The following NAA30 variants were observed in gnomAD, a reference collection of about 807,000 sequenced individuals.
The protein encoded by NAA30 is N-alpha-acetyltransferase 30, NatC catalytic subunit, also known as N-alpha-acetyltransferase 30.
A neutral mutation model predicts 31.4 loss-of-function variants in NAA30; 5 were observed. The observed-to-expected ratio is 0.16, with a 90% CI of 0.08 to 0.33. The LOEUF (loss-of-function observed/expected upper bound fraction) is 0.33. Ranked by LOEUF, NAA30 falls within the 10% of genes least tolerant of loss-of-function variation. The pLI, the probability that NAA30 is intolerant of heterozygous loss-of-function variation, is 1.00. For missense variants in NAA30, 428 were observed against 490.8 expected (o/e 0.87, Z 1.21); for synonymous variants, 222 against 207.1 (o/e 1.07, Z -0.62).
rs1274227285 is a variant in NAA30 at position 57,391,178 on chromosome 14, G to C, written c.221G>C (p.Cys74Ser). ...VAAKGHPCLR[C>S]PQPPQEQQQL... is the part of the protein sequence containing the mutation. Reference sequence around the variant, plus strand: ...GCCAAGGGGCATCCGTGCCTCCGCTGCCCTCAGCCGCCGCAGGAGCAGCAG... The same window carrying C: ...GCCAAGGGGCATCCGTGCCTCCGCTCCCCTCAGCCGCCGCAGGAGCAGCAG... The change falls in exon 2 of 5, where the codon TGC becomes TCC. Residue 74 changes from cysteine to serine, a missense_variant. This residue lies in a region of NAA30 where 349 missense variants were observed against 310.4 expected (regional missense o/e 1.12). Coordinates refer to ENST00000556492, the MANE Select transcript of NAA30 (RefSeq NM_001011713.3). This position sits in a 1 kb window ranked among gnomAD's most constrained non-coding sequence, Gnocchi z 4.1. 1 of 1,609,812 alleles carries C rather than the reference G, an allele frequency of 6.2e-7. No individual in the cohort carries two copies. The highest frequency in any genetic ancestry group is 1.3e-5 in the African/African-American group (1 of 74,904).
At chr14:57,390,912 C>G in intron 1 of NAA30, 45 bp from the exon 2 acceptor site, 1 of 1,451,684 alleles carries the variant, frequency 6.9e-7, no homozygotes, top group East Asian at 2.6e-5. Context: ...CCGCGCTCCT[C>G]GGCCGGGTTT....
At position 57,410,171 on chromosome 14, in the gene NAA30, A is replaced by G. The variant is rs1293539075; in HGVS notation, c.*655A>G. The G allele has an allele frequency of 6.6e-6, 1 of 152,566 alleles. No individual in the cohort carries two copies. The highest frequency in any genetic ancestry group is 6.6e-5 in the Admixed American group (1 of 15,256). The allele number at this position is 152,566 out of a possible 1,614,324, so 9.5% of individuals were successfully genotyped here. A position where few individuals can be genotyped will look rare whatever the true frequency, so the allele number is the denominator to read the frequency against. On this transcript the variant is annotated 3_prime_UTR_variant, in exon 5 of 5. Coordinates refer to ENST00000556492, the MANE Select transcript of NAA30 (RefSeq NM_001011713.3). ...TTTTCCTTTTCTTTAAGGCCTTTGC[A>G]AGCAAACTTTTGTTTTTATTTAAAT...
chr14:57,401,681 A>G (rs997171138), intron 4 of NAA30, among the ~76,000 whole-genome samples: 2 of 152,206 alleles, frequency 1.3e-5, no homozygotes, highest in South Asian at 2.1e-4. Flanking sequence ...TATGTTCCCT[A>G]TGATTAAACC....
intron 2 of NAA30, among the ~76,000 whole-genome samples, chr14:57,394,702 A>G (rs754228542): frequency 3.9e-5 from 6 of 152,180 alleles, no homozygotes; most frequent in Non-Finnish European, 7.4e-5. Flanking sequence ...GAATGAACTA[A>G]TTTAATATTT....
In NAA30 at chr14:57,391,033, C is replaced by G; in HGVS notation, c.76C>G (p.Arg26Gly). ...TCCGGCCCCGGCGGCGGTCGAGCCCCGCTGTCCCTTCCCGGCGGGGGCCGC... is the reference window on the plus strand; with the variant it reads ...TCCGGCCCCGGCGGCGGTCGAGCCCGGCTGTCCCTTCCCGGCGGGGGCCGC... ...APPAPAAVEP[R>G]CPFPAGAALA... Residue 26 changes from arginine (R) to glycine (G), a missense_variant, in exon 2 of 5, where the codon CGC becomes GGC. Coordinates refer to ENST00000556492, the MANE Select transcript of NAA30 (RefSeq NM_001011713.3). This position sits in a 1 kb window ranked among gnomAD's most constrained non-coding sequence, Gnocchi z 4.1. 6.6e-7 allele frequency: 1 copy of G among 1,512,484 alleles called. No homozygotes were observed. The highest frequency in any genetic ancestry group is 8.8e-7 in the Non-Finnish European group (1 of 1,138,072). 93.7% of individuals were successfully genotyped at this position (1,512,484 alleles called of 1,614,324 possible).
rs1469485731 is a variant in NAA30, at chr14:57,414,560, A to G, written c.*5044A>G. 6.6e-6 allele frequency: 1 copy of G among 152,204 alleles called. No homozygotes were observed. The highest frequency in any genetic ancestry group is 1.5e-5 in the Non-Finnish European group (1 of 68,034). 9.4% of individuals were successfully genotyped at this position (152,204 alleles called of 1,614,324 possible). On this transcript the variant is annotated 3_prime_UTR_variant, in exon 5 of 5. Transcript: ENST00000556492. ...ATTTCACTTCTAAATGAGATTGGTC[A>G]TCTCATGAGTGGTCAAGTTGGAACA...
intron 4 of NAA30, among the ~76,000 whole-genome samples, chr14:57,400,510 T>C (rs2066470851): frequency 6.6e-6 from 1 of 152,214 alleles, no homozygotes; most frequent in Admixed American, 6.5e-5. Context: ...AGGGAACAAG[T>C]ATAAACTAGA....
At chr14:57,390,919 G>A (rs995785502) in intron 1 of NAA30, 38 bp from the exon 2 acceptor site, 6 of 1,453,302 alleles carry the variant, frequency 4.1e-6, no homozygotes, top group Non-Finnish European at 5.4e-6. Flanking sequence ...CCTCGGCCGG[G>A]TTTCATGGCC....
chr14:57,400,283 A>T (rs948542560), intron 4 of NAA30, among the ~76,000 whole-genome samples: 2 of 152,372 alleles, frequency 1.3e-5, no homozygotes, highest in African/African-American at 4.8e-5. Flanking sequence ...TCAGAATTAA[A>T]TAATGACAAT....
chr14:57,399,469 C>CCA (rs2066464504), intron 3 of NAA30, among the ~76,000 whole-genome samples: 1 of 152,196 alleles, frequency 6.6e-6, no homozygotes, highest in Non-Finnish European at 1.5e-5. Flanking sequence ...TTCTGGCCAA[C>CCA]TCACGGGGAG....
chr14:57,406,672 T>G (rs1040153576), intron 4 of NAA30, among the ~76,000 whole-genome samples: 3 of 152,224 alleles, frequency 2.0e-5, no homozygotes, highest in Non-Finnish European at 4.4e-5. Flanking sequence ...TGAAATCAAT[T>G]CCAAGTTTTG....
intron 2 of NAA30, among the ~76,000 whole-genome samples, chr14:57,393,980 A>C (rs1433166175): frequency 6.6e-6 from 1 of 152,040 alleles, no homozygotes; most frequent in African/African-American, 2.4e-5. Flanking sequence ...AAAACCTCCA[A>C]AATGTTCCGT....
Position 57,391,716 on chromosome 14 carries a change from G to A in NAA30, c.759G>A (p.Gln253=), listed in dbSNP as rs1218713652. 6.2e-7 allele frequency: 1 copy of A among 1,605,700 alleles called. No homozygotes were observed. Among genetic ancestry groups the A allele is most frequent in the African/African-American group, 1.3e-5 (1 of 74,792 alleles). ...GATATTTTATCCACAACTGGCCACA[G>A]CTGTGCTTCTTGGTAAGTGGATAGA... ...TYRYFIHNWP[Q]LCFLAMVGEE... The change falls in exon 2 of 5, where the codon CAG becomes CAA. Residue 253 remains glutamine (Q), a synonymous_variant. Coordinates refer to ENST00000556492, the MANE Select transcript of NAA30 (RefSeq NM_001011713.3). This position sits in a 1 kb window ranked among gnomAD's most constrained non-coding sequence, Gnocchi z 4.1.
At chr14:57,406,253 T>C (rs1010160385) in intron 4 of NAA30, among the ~76,000 whole-genome samples, 1 of 152,202 alleles carries the variant, frequency 6.6e-6, no homozygotes, top group Non-Finnish European at 1.5e-5. Context: ...AAACTTGAAC[T>C]CAGTTCTTAA....
chr14:57,391,242 C>T lies in NAA30; in HGVS notation c.285C>T (p.Leu95=), dbSNP rs1282397013. 2 of 1,612,214 alleles carry T rather than the reference C, an allele frequency of 1.2e-6. No homozygotes were observed. The highest frequency in any genetic ancestry group is 1.7e-6 in the Non-Finnish European group (2 of 1,179,824). Reference sequence around the variant, plus strand: ...TGATTAGCCCCGAACTGCGGCACCTCCGGGCGGCCGCCTCCCTCAAGAGCA... The same window carrying T: ...TGATTAGCCCCGAACTGCGGCACCTTCGGGCGGCCGCCTCCCTCAAGAGCA... ...NGLISPELRH[L]RAAASLKSKV... The change falls in exon 2 of 5, where the codon CTC becomes CTT. Residue 95 remains leucine (L), a synonymous_variant. Coordinates refer to ENST00000556492, the MANE Select transcript of NAA30 (RefSeq NM_001011713.3). The surrounding 1 kb of genome is among the most constrained non-coding windows in gnomAD (Gnocchi z 4.1).
chr14:57,410,601 G>T lies in NAA30; in HGVS notation c.*1085G>T, dbSNP rs1344570991. 4 of 152,086 alleles carry T rather than the reference G, an allele frequency of 2.6e-5. No individual in the cohort carries two copies. The highest frequency in any genetic ancestry group is 7.2e-5 in the African/African-American group (3 of 41,428). 9.4% of individuals were successfully genotyped at this position (152,086 alleles called of 1,614,324 possible). ...TGGTCTTGGAAATAAATTTCAAGGT[G>T]CATTGTATCCATTTTAAGCTGCTTT... On this transcript the variant is annotated 3_prime_UTR_variant, in exon 5 of 5. Coordinates refer to ENST00000556492, the MANE Select transcript of NAA30 (RefSeq NM_001011713.3).
At position 57,410,091 on chromosome 14, in the gene NAA30, G is replaced by A. The variant is rs1594754369; in HGVS notation, c.*575G>A. 6.6e-6 allele frequency: 1 copy of A among 152,578 alleles called. No individual in the cohort carries two copies. The highest frequency in any genetic ancestry group is 1.9e-4 in the East Asian group (1 of 5,190). The allele number at this position is 152,578 out of a possible 1,614,324, so 9.5% of individuals were successfully genotyped here. A position where few individuals can be genotyped will look rare whatever the true frequency, so the allele number is the denominator to read the frequency against. ...TAACAATTAAATTTTGTCTGCCAGT[G>A]CCTGTGTAGATAAGTATATTTGTCT... On this transcript the variant is annotated 3_prime_UTR_variant, in exon 5 of 5. Coordinates refer to ENST00000556492, the MANE Select transcript of NAA30 (RefSeq NM_001011713.3).
At chr14:57,403,654 A>G (rs1472498809) in intron 4 of NAA30, among the ~76,000 whole-genome samples, 3 of 152,254 alleles carry the variant, frequency 2.0e-5, no homozygotes, top group African/African-American at 7.2e-5. Flanking sequence ...TATTACCAGT[A>G]TGCTGATCTG....
At chr14:57,394,101 T>C (rs1163061905) in intron 2 of NAA30, among the ~76,000 whole-genome samples, 1 of 104,858 alleles carries the variant, frequency 9.5e-6, no homozygotes, top group Non-Finnish European at 2.1e-5. Context: ...TTCCTAATTG[T>C]AAAAGATGTA....
Sources: allele counts gnomAD v4.1 joint callset (sites outside exome capture counted in the v4.1 genomes callset), GRCh38; gene constraint gnomAD v4.1.1; regional missense constraint gnomAD v4.1.1; non-coding constraint Gnocchi (gnomAD v3.1); transcripts MANE v1.5; gene names NCBI Gene and HGNC (gene_info 2026-07-23, HGNC 2026-07-21).